Variants in LEMD1 observed in about 807,000 individuals in gnomAD.
The protein encoded by LEMD1 is LEM domain-containing protein 1.
LEMD1 carries 18 observed loss-of-function variants against 17.4 expected under a neutral mutation model. The ratio of observed to expected loss-of-function variants is 1.04; its 90% CI spans 0.72 to 1.54. The LOEUF (loss-of-function observed/expected upper bound fraction) is 1.54, where lower values mean the gene tolerates loss of function less well. Among genes scored for constraint, LEMD1 ranks in the 40% most tolerant of loss-of-function variants. LEMD1 has a pLI of 0.00. For missense variants in LEMD1, 195 were observed against 210.4 expected (o/e 0.93, Z 0.45); for synonymous variants, 88 against 77.8 (o/e 1.13, Z -0.69).
At chr1:205,387,429 A>G (rs1330415370) in intron 4 of LEMD1, 2 of 152,148 alleles carry the variant, frequency 1.3e-5, no homozygotes, top group Non-Finnish European at 2.9e-5. Context: ...AAATAAAATC[A>G]GTTTTTGCAT....
At chr1:205,387,411 A>C (rs1031775056) in intron 4 of LEMD1, 1 of 152,226 alleles carries the variant, frequency 6.6e-6, no homozygotes, top group African/African-American at 2.4e-5. Flanking sequence ...ACTAGAGGTA[A>C]ATTGAAAAAA....
At chr1:205,418,134 C>T (rs1665782991) in intron 3 of LEMD1, among the ~76,000 whole-genome samples, 1 of 152,160 alleles carries the variant, frequency 6.6e-6, no homozygotes, top group Admixed American at 6.5e-5. Context: ...GTCACTTGGC[C>T]TCTCTGAGCT....
intron 4 of LEMD1, among the ~76,000 whole-genome samples, chr1:205,398,355 T>C (rs935671245): frequency 4.6e-5 from 7 of 152,214 alleles, no homozygotes; most frequent in Non-Finnish European, 1.0e-4. Flanking sequence ...AGTCCTTTAA[T>C]ATATATTCCC....
At chr1:205,417,432 G>A (rs1266952447) in intron 3 of LEMD1, among the ~76,000 whole-genome samples, 2 of 152,196 alleles carry the variant, frequency 1.3e-5, no homozygotes, top group African/African-American at 4.8e-5. Flanking sequence ...CTGGGAAGTC[G>A]TGAACAGTTC....
chr1:205,401,310 C>T (rs1219926108), intron 4 of LEMD1, among the ~76,000 whole-genome samples: 2 of 152,204 alleles, frequency 1.3e-5, no homozygotes, highest in Admixed American at 1.3e-4. Context: ...TACAGTCCTA[C>T]CAAGAGTGTA....
chr1:205,446,860 C>T (rs2102473658), intron 1 of LEMD1, among the ~76,000 whole-genome samples: 1 of 152,334 alleles, frequency 6.6e-6, no homozygotes, highest in South Asian at 2.1e-4. Context: ...GGGGAAGTAG[C>T]CTGGATCAGC....
chr1:205,417,778 C>A (rs1665761152), intron 3 of LEMD1, among the ~76,000 whole-genome samples: 1 of 151,458 alleles, frequency 6.6e-6, no homozygotes, highest in African/African-American at 2.4e-5. Flanking sequence ...ATGGTTTATC[C>A]AGTTTTTAAT....
chr1:205,409,866 G>A (rs1009074440), intron 4 of LEMD1, among the ~76,000 whole-genome samples: 21 of 151,880 alleles, frequency 1.4e-4, no homozygotes, highest in African/African-American at 3.6e-4. Flanking sequence ...TCCACCTCCT[G>A]GGTTCAAGTG....
rs759292914 is a variant in LEMD1, at chr1:205,448,422, CAT to C, written c.-39+1444_-39+1445del. ...TGGAGGGGTCCAGCGGCAGGAATCT[CAT>C]AGGGAAGCGAGAAGCTGGGGCACCC... On this transcript the variant is annotated intron_variant, in intron 1 of 3. Coordinates refer to the LEMD1 transcript ENST00000367154. This position sits in a 1 kb window ranked among gnomAD's most constrained non-coding sequence, Gnocchi z 4.7. 18 of 533,316 alleles carry C rather than the reference CAT, an allele frequency of 3.4e-5. No individual in the cohort carries two copies. Among genetic ancestry groups the C allele is most frequent in the Non-Finnish European group, 6.2e-5 (16 of 259,832 alleles). 33.0% of individuals were successfully genotyped at this position (533,316 alleles called of 1,614,324 possible).
At chr1:205,391,055 C>A (rs1664306476) in intron 4 of LEMD1, among the ~76,000 whole-genome samples, 1 of 152,006 alleles carries the variant, frequency 6.6e-6, no homozygotes, top group South Asian at 2.1e-4. Context: ...CGCAAGTACC[C>A]CCTGAATCTA....
rs565096392 is a variant in LEMD1 at position 205,412,879 on chromosome 1, A to G, written c.270+3353T>C. Among the ~76,000 whole-genome samples, 147 of 152,362 alleles carry G rather than the reference A, an allele frequency of 9.6e-4. 2 individuals carry two copies. Among genetic ancestry groups the G allele is most frequent in the African/African-American group, 3.3e-3 (138 of 41,574 alleles). On this transcript the variant is annotated intron_variant, in intron 4 of 5. Transcript: ENST00000367153. ...ACTGGTCCTAGCTGATGCATTTGCCATACTCAGGTTGCTTTTTCTGCTGCA... is the reference window on the plus strand; with the variant it reads ...ACTGGTCCTAGCTGATGCATTTGCCGTACTCAGGTTGCTTTTTCTGCTGCA...
At chr1:205,443,110 G>A (rs904750750) in intron 1 of LEMD1, among the ~76,000 whole-genome samples, 6 of 152,106 alleles carry the variant, frequency 3.9e-5, no homozygotes, top group African/African-American at 1.4e-4. Context: ...TCTCTTGCTG[G>A]GGATATAAGT....
intron 4 of LEMD1, among the ~76,000 whole-genome samples, chr1:205,401,633 C>T (rs1664859140): frequency 6.6e-6 from 1 of 152,042 alleles, no homozygotes; most frequent in Non-Finnish European, 1.5e-5. Flanking sequence ...AAAATTTTCT[C>T]CCATTTTGTA....
chr1:205,405,030 C>A (rs557633368), intron 4 of LEMD1, among the ~76,000 whole-genome samples: 1 of 152,196 alleles, frequency 6.6e-6, no homozygotes, highest in Admixed American at 6.5e-5. Flanking sequence ...AATATTGGCC[C>A]CCACTCTCTT....
chr1:205,381,781 G>C lies in LEMD1; in HGVS notation c.423C>G (p.Asp141Glu). The change falls in exon 6 of 6, where the codon GAC becomes GAG. Residue 141 changes from aspartate to glutamate, a missense_variant. Physicochemically the swap from Asp to Glu is conservative, Grantham distance 45. Coordinates refer to ENST00000367153, the MANE Select transcript of LEMD1 (RefSeq NM_001199050.2). ...ITKERDYCAE[D>E]QTIESWREEG... ...CTTCTCTCCAGCTCTCGATAGTCTG[G>C]TCTTCCGCGCAGTAGTCTCTCTCTT... 6.2e-7 allele frequency: 1 copy of C among 1,614,180 alleles called. No individual in the cohort carries two copies. Among genetic ancestry groups the C allele is most frequent in the Non-Finnish European group, 8.5e-7 (1 of 1,180,030 alleles).
chr1:205,387,982 G>A (rs1011815547), intron 4 of LEMD1, among the ~76,000 whole-genome samples: 1 of 152,108 alleles, frequency 6.6e-6, no homozygotes, highest in Non-Finnish European at 1.5e-5. Flanking sequence ...TGCTTTTATT[G>A]TGCCCATTTT....
At chr1:205,419,664 C>T (rs941517909) in intron 2 of LEMD1, among the ~76,000 whole-genome samples, 14 of 152,174 alleles carry the variant, frequency 9.2e-5, no homozygotes, top group Admixed American at 7.2e-4. Flanking sequence ...CGAGGTTTCG[C>T]CATGTTGGCC....
In LEMD1 at chr1:205,381,908, A is replaced by T. The variant is rs766822394; in HGVS notation, c.348-52T>A. ...ATTGTGGACAGCTGTGGTGCACTTG[A>T]GTAGCCCCTTAAAGTGTGTGGGTCT... On this transcript the variant is annotated intron_variant, in intron 5 of 5. Coordinates refer to ENST00000367153, the MANE Select transcript of LEMD1 (RefSeq NM_001199050.2). The T allele has an allele frequency of 1.9e-6, 3 of 1,577,920 alleles. No homozygotes were observed. The South Asian group carries it at 3.3e-5, about 17-fold the overall frequency.
intron 1 of LEMD1, among the ~76,000 whole-genome samples, chr1:205,445,092 C>T (rs1391768094): frequency 1.3e-5 from 2 of 152,030 alleles, no homozygotes; most frequent in Admixed American, 6.6e-5. Context: ...CTTAGGAGAC[C>T]GGATTTGGGG....
Sources: allele counts gnomAD v4.1 joint callset (sites outside exome capture counted in the v4.1 genomes callset), GRCh38; gene constraint gnomAD v4.1.1; non-coding constraint Gnocchi (gnomAD v3.1); transcripts MANE v1.5; gene names NCBI Gene and HGNC (gene_info 2026-07-23, HGNC 2026-07-21).